PORCN: variants seen among roughly 807,000 people sequenced by gnomAD.
The protein encoded by PORCN is porcupine O-acyltransferase, also known as protein-serine O-palmitoleoyltransferase porcupine.
In PORCN, 1 loss-of-function variant was observed where a neutral mutation model predicts 43.0. The ratio of observed to expected loss-of-function variants is 0.02; its 90% CI spans 0.01 to 0.11. The LOEUF (loss-of-function observed/expected upper bound fraction) is 0.11, where lower values mean the gene tolerates loss of function less well. Among genes scored for constraint, PORCN ranks in the 10% least tolerant of loss-of-function variants. The pLI is 1.00. For synonymous variants in PORCN, 148 were observed against 166.4 expected (o/e 0.89, Z 0.85); for missense variants, 240 against 392.1 (o/e 0.61, Z 3.28).
intron 1 of PORCN, chrX:48,509,505 C>T: frequency 9.9e-7 from 1 of 1,012,402 alleles, no homozygotes; most frequent in Non-Finnish European, 1.3e-6. Flanking sequence ...GTATGCCATC[C>T]CATCACCATC....
At chrX:48,509,486 G>A (rs1556973364) in intron 1 of PORCN, 1 of 983,481 alleles carries the variant, frequency 1.0e-6, no homozygotes, top group East Asian at 6.5e-5. Context: ...TGATATATGG[G>A]CCTGAAATGT....
rs1284094279 is a variant in PORCN, at chrX:48,514,337, T to C, written c.817T>C (p.Phe273Leu). 9 of 1,211,653 alleles carry C rather than the reference T, an allele frequency of 7.4e-6. No individual in the cohort carries two copies. The highest frequency in any genetic ancestry group is 1.0e-5 in the Non-Finnish European group (9 of 895,361). Residue 273 changes from phenylalanine to leucine, a missense_variant, in exon 9 of 15, where the codon TTT becomes CTT. Phe to Leu is a conservative substitution (Grantham distance 22, BLOSUM62 0). Transcript: ENST00000326194. ...EATATLAGAGFTEEKDHLEWD... is the reference protein window; with the variant it reads ...EATATLAGAGLTEEKDHLEWD... ...CACGGCCACGTTGGCGGGGGCTGGC[T>C]TTACCGAGGAGAAGGATCACCTGGA...
Position 48,512,396 on chromosome X carries a change from G to A in PORCN, c.444G>A (p.Thr148=), listed in dbSNP as rs782467098. ...ACCTGGACCGGGGCGAGGTGGGTACGGTGCCCTCGCCAGTGGAGTTCATGG... is the reference window on the plus strand; with the variant it reads ...ACCTGGACCGGGGCGAGGTGGGTACAGTGCCCTCGCCAGTGGAGTTCATGG... ...GFDLDRGEVG[T]VPSPVEFMGY... is the part of the protein sequence containing the mutation. The change falls in exon 5 of 15, where the codon ACG becomes ACA. Residue 148 remains threonine (T), a synonymous_variant. Coordinates refer to ENST00000326194, the MANE Select transcript of PORCN (RefSeq NM_203475.3). 1.6e-5 allele frequency: 19 copies of A among 1,209,906 alleles called. 1 individual carries two copies. Among genetic ancestry groups the A allele is most frequent in the South Asian group, 5.3e-5 (3 of 56,782 alleles).
chrX:48,514,346 G>A lies in PORCN; in HGVS notation c.826G>A (p.Glu276Lys), dbSNP rs1602075615. The A allele has an allele frequency of 2.5e-6, 3 of 1,210,089 alleles. No homozygotes were observed. The highest frequency in any genetic ancestry group is 3.5e-5 in the African/African-American group (2 of 57,373). Residue 276 changes from glutamate (E) to lysine (K), a missense_variant, in exon 9 of 15, where the codon GAG (glutamate) becomes AAG (lysine). Physicochemically the swap from Glu to Lys is moderately conservative, Grantham distance 56. Coordinates refer to ENST00000326194, the MANE Select transcript of PORCN (RefSeq NM_203475.3). The stretch of plus-strand genomic sequence containing the variant: ...GTTGGCGGGGGCTGGCTTTACCGAG[G>A]AGAAGGATCACCTGGAATGGTGGGG... ...ATLAGAGFTE[E>K]KDHLEWDLTV...
At chrX:48,518,807 G>A (rs1191652696) in intron 14 of PORCN, among the ~76,000 whole-genome samples, 1 of 109,750 alleles carries the variant, frequency 9.1e-6, no homozygotes, top group East Asian at 2.8e-4. Flanking sequence ...TGCAAAATCT[G>A]GGATTTGCTT....
At chrX:48,510,554 C>A (rs973196859) in intron 2 of PORCN, among the ~76,000 whole-genome samples, 1 of 111,489 alleles carries the variant, frequency 9.0e-6, no homozygotes, top group Non-Finnish European at 1.9e-5. Flanking sequence ...ATCTGAGATC[C>A]GAAGGTTCTA....
Position 48,510,007 on chromosome X carries a change from C to T in PORCN, c.136+51C>T, listed in dbSNP as rs782402208. Reference sequence around the variant, plus strand: ...ACCATGCCAGGCCATATCAGACCTCCCACATTCATCCATATCGAGCCACAC... The same window carrying T: ...ACCATGCCAGGCCATATCAGACCTCTCACATTCATCCATATCGAGCCACAC... On this transcript the variant is annotated intron_variant, in intron 2 of 14. Transcript: ENST00000326194. 2.8e-5 allele frequency: 27 copies of T among 978,443 alleles called. No individual in the cohort carries two copies. The South Asian group carries it at 4.7e-4, about 17-fold the overall frequency. 80.6% of individuals were successfully genotyped at this position (978,443 alleles called of 1,213,427 possible). A position where few individuals can be genotyped will look rare whatever the true frequency, so the allele number is the denominator to read the frequency against.
intron 11 of PORCN, 44 bp downstream of exon 11, chrX:48,515,837 C>T (rs371502050): frequency 1.3e-5 from 7 of 542,461 alleles, no homozygotes; most frequent in African/African-American, 2.5e-5. Context: ...TGGGTGGGGG[C>T]GGGTGGCAGG....
chrX:48,509,311 G>T, intron 1 of PORCN: 1 of 247,421 alleles, frequency 4.0e-6, no homozygotes, highest in Non-Finnish European at 7.5e-6. Flanking sequence ...GGATGAGATG[G>T]GGGGCGCGGA....
intron 7 of PORCN, among the ~76,000 whole-genome samples, chrX:48,513,252 T>C (rs1758511304): frequency 8.9e-6 from 1 of 112,532 alleles, no homozygotes; most frequent in Non-Finnish European, 1.9e-5. Context: ...TCATCAGTGA[T>C]AGGGTATGTG....
At chrX:48,512,886 G>A (rs1410285630) in intron 7 of PORCN, 34 bp downstream of exon 7, 3 of 1,207,959 alleles carry the variant, frequency 2.5e-6, no homozygotes, top group Non-Finnish European at 3.4e-6. Flanking sequence ...CACGTGGAGT[G>A]GGGCTGACAT....
intron 3 of PORCN, 29 bp from the exon 4 acceptor site, chrX:48,511,862 TG>T (rs1556973959): frequency 1.6e-5 from 19 of 1,199,466 alleles, no homozygotes; most frequent in Non-Finnish European, 2.0e-5. Flanking sequence ...ATGAGTGTCA[TG>T]GGACCAAGAC....
At chrX:48,512,913 C>T in intron 7 of PORCN, 61 bp downstream of exon 7, 1 of 1,162,902 alleles carries the variant, frequency 8.6e-7, no homozygotes, top group Non-Finnish European at 1.2e-6. Flanking sequence ...GGGCAGAGCC[C>T]ATGACCAATG....
intron 2 of PORCN, 55 bp downstream of exon 2, chrX:48,510,011 A>G: frequency 1.0e-6 from 1 of 962,859 alleles, no homozygotes; most frequent in Admixed American, 2.3e-5. Context: ...GACCTCCCAC[A>G]TTCATCCATA....
Position 48,511,462 on chromosome X carries a change from A to C in PORCN, c.304A>C (p.Thr102Pro). The C allele has an allele frequency of 1.7e-6, 2 of 1,210,309 alleles. No individual in the cohort carries two copies. Among genetic ancestry groups the C allele is most frequent in the East Asian group, 3.0e-5 (1 of 33,814 alleles). Reference protein sequence around the residue: ...SSHRGVFLSVTILIYLLMGEM... With the variant: ...SSHRGVFLSVPILIYLLMGEM... ...CCATCGAGGCGTCTTCCTATCCGTC[A>C]CCATCCTCATCTACCTACTCATGGG... Residue 102 changes from threonine (T) to proline (P), a missense_variant, in exon 3 of 15, where the codon ACC becomes CCC. By Grantham distance (38) the Thr-to-Pro change is conservative. Coordinates refer to ENST00000326194, the MANE Select transcript of PORCN (RefSeq NM_203475.3).
intron 9 of PORCN, 35 bp from the exon 10 acceptor site, chrX:48,514,490 T>A: frequency 8.4e-7 from 1 of 1,193,242 alleles, no homozygotes; most frequent in Non-Finnish European, 1.1e-6. Context: ...TGAGTTGAGA[T>A]CCCAAATGGA....
At position 48,516,048 on chromosome X, in the gene PORCN, C is replaced by T. The variant is rs1556975266; in HGVS notation, c.1088-13C>T. The T allele has an allele frequency of 8.3e-7, 1 of 1,210,928 alleles. No homozygotes were observed. Among genetic ancestry groups the T allele is most frequent in the Admixed American group, 2.2e-5 (1 of 46,066 alleles). ...GGCTAACCTGACCCCCTTACCTCTC[C>T]CCACCACCCTAGTCCTCCGGAAGCG... On this transcript the variant is annotated splice_polypyrimidine_tract_variant and intron_variant, in intron 12 of 14. Coordinates refer to ENST00000326194, the MANE Select transcript of PORCN (RefSeq NM_203475.3).
chrX:48,519,825 A>G (rs2061746324), intron 14 of PORCN, among the ~76,000 whole-genome samples: 1 of 111,924 alleles, frequency 8.9e-6, no homozygotes. Context: ...GTGAAACCCC[A>G]TCTCTACTAA....
At chrX:48,509,378 A>C in intron 1 of PORCN, 1 of 397,026 alleles carries the variant, frequency 2.5e-6, no homozygotes, top group Non-Finnish European at 3.8e-6. Context: ...AGAGATGCAC[A>C]CGGCCCCCAA....
Sources: allele counts gnomAD v4.1 joint callset (sites outside exome capture counted in the v4.1 genomes callset), GRCh38; gene constraint gnomAD v4.1.1; transcripts MANE v1.5; gene names NCBI Gene and HGNC (gene_info 2026-07-23, HGNC 2026-07-21).